SVEP1: variants seen among roughly 807,000 people sequenced by gnomAD.
SVEP1 encodes the protein sushi, von Willebrand factor type A, EGF and pentraxin domain containing 1.
A neutral mutation model predicts 367.3 loss-of-function variants in SVEP1; 164 were observed. The observed-to-expected ratio is 0.45, with a 90% CI of 0.39 to 0.51. The LOEUF is 0.51. SVEP1 is among the 20% of genes least tolerant of loss of function. SVEP1 has a pLI of 0.00. For missense variants in SVEP1, 4,117 were observed against 4,425.3 expected (o/e 0.93, Z 1.98); for synonymous variants, 1,666 against 1,611.6 (o/e 1.03, Z -0.81).
intron 41 of SVEP1, among the ~76,000 whole-genome samples, chr9:110,389,082 G>C (rs1410625611): frequency 2.0e-5 from 3 of 152,174 alleles, no homozygotes; most frequent in African/African-American, 7.2e-5. Flanking sequence ...AAACTTGGTT[G>C]TTCTCATAAA....
At chr9:110,547,572 GTA>G (rs935252141) in intron 2 of SVEP1, among the ~76,000 whole-genome samples, 58 of 152,194 alleles carry the variant, frequency 3.8e-4, no homozygotes, top group African/African-American at 1.3e-3. Context: ...ATGAGACCCT[GTA>G]TCAAAAAGGG....
chr9:110,416,360 G>C (rs933725379), intron 36 of SVEP1, among the ~76,000 whole-genome samples: 3 of 151,664 alleles, frequency 2.0e-5, no homozygotes, highest in Non-Finnish European at 4.4e-5. Flanking sequence ...ATAAAAATGT[G>C]GAACATAAAA....
intron 20 of SVEP1, among the ~76,000 whole-genome samples, chr9:110,457,749 T>G: frequency 6.6e-6 from 1 of 152,194 alleles, no homozygotes; most frequent in East Asian, 1.9e-4. Context: ...CAGCCACTGC[T>G]TTAGGGGATC....
At chr9:110,501,422 T>A (rs1829527002) in intron 6 of SVEP1, among the ~76,000 whole-genome samples, 1 of 151,962 alleles carries the variant, frequency 6.6e-6, no homozygotes, top group Non-Finnish European at 1.5e-5. Flanking sequence ...TCTTTATTTT[T>A]TCTAATGTCT....
chr9:110,442,081 T>C (rs1340781418), intron 27 of SVEP1, among the ~76,000 whole-genome samples: 1 of 152,228 alleles, frequency 6.6e-6, no homozygotes, highest in Non-Finnish European at 1.5e-5. Flanking sequence ...TAGTGCCTGA[T>C]CACCCTGGAG....
At chr9:110,402,531 G>T (rs1827880034) in intron 39 of SVEP1, among the ~76,000 whole-genome samples, 1 of 151,714 alleles carries the variant, frequency 6.6e-6, no homozygotes, top group South Asian at 2.1e-4. Flanking sequence ...GAGCAAAAAA[G>T]GGGGGTCATA....
rs376908196 is a variant in SVEP1, at chr9:110,406,140, C to T, written c.9440+20G>A. 26 of 1,536,832 alleles carry T rather than the reference C, an allele frequency of 1.7e-5. No individual in the cohort carries two copies. The African/African-American group carries it at 3.3e-4, about 20-fold the overall frequency. ...TAATCCTGCCCGCACCCCTTGGAGA[C>T]CCTAGAGCCATGATCTTACCTGAGT... is the stretch of plus-strand genomic sequence containing the variant. On this transcript the variant is annotated intron_variant, in intron 38 of 47. Transcript: ENST00000374469.
chr9:110,483,071 C>T lies in SVEP1; in HGVS notation c.2038+515G>A, dbSNP rs201870422. Among the ~76,000 whole-genome samples, 29 of 152,214 alleles carry T rather than the reference C, an allele frequency of 1.9e-4. No individual in the cohort carries two copies. The East Asian group carries it at 4.0e-3, about 21-fold the overall frequency. On this transcript the variant is annotated intron_variant, in intron 10 of 47. Transcript: ENST00000374469. ...AACTAGGCAATAGGTAAGTCTGCTA[C>T]GACATTGGGACTTAAATTAAGAAAT...
chr9:110,449,391 A>G (rs1828656732), intron 24 of SVEP1, among the ~76,000 whole-genome samples: 1 of 152,244 alleles, frequency 6.6e-6, no homozygotes, highest in African/African-American at 2.4e-5. Flanking sequence ...GATGAGCACT[A>G]TCACAGTATG....
rs535337398 is a variant in SVEP1, at chr9:110,374,047, T to C, written c.10600+1321A>G. 1.2e-4 allele frequency among the ~76,000 whole-genome samples: 19 copies of C among 152,330 alleles called. No homozygotes were observed. In the East Asian group the frequency reaches 3.7e-3, roughly 29 times the overall value. On this transcript the variant is annotated intron_variant, in intron 46 of 47. Transcript: ENST00000374469. ...CAAGGGTACATGTGCAGGTTTGTTA[T>C]ATAGGTACACTTGTGTCATGGGAGT...
intron 27 of SVEP1, among the ~76,000 whole-genome samples, chr9:110,441,644 T>G (rs1481626023): frequency 6.6e-6 from 1 of 152,190 alleles, no homozygotes; most frequent in Non-Finnish European, 1.5e-5. Context: ...GAAGAGTGGC[T>G]TTCTCTTTTA....
chr9:110,436,062 G>A (rs1361439050), intron 28 of SVEP1, among the ~76,000 whole-genome samples: 1 of 151,768 alleles, frequency 6.6e-6, no homozygotes, highest in Non-Finnish European at 1.5e-5. Flanking sequence ...GGGATTTGAA[G>A]CATTATTCTT....
chr9:110,486,686 C>A (rs1437423191), intron 9 of SVEP1, among the ~76,000 whole-genome samples: 3 of 148,588 alleles, frequency 2.0e-5, no homozygotes, highest in Non-Finnish European at 4.4e-5. Context: ...CTCTCTCTGT[C>A]ACCCAGGCTG....
intron 12 of SVEP1, 112 bp downstream of exon 12, chr9:110,481,130 A>T (rs1401910332): frequency 1.3e-6 from 1 of 751,340 alleles, no homozygotes; most frequent in African/African-American, 1.8e-5. Context: ...TTTCAAATTC[A>T]TGGCACCATT....
At chr9:110,452,347 T>C (rs1828706202) in intron 22 of SVEP1, among the ~76,000 whole-genome samples, 1 of 152,220 alleles carries the variant, frequency 6.6e-6, no homozygotes, top group Admixed American at 6.5e-5. Context: ...TCTCATAGTA[T>C]GTGTCTGCCA....
At chr9:110,513,869 T>C in intron 4 of SVEP1, 79 bp downstream of exon 4, 1 of 1,434,020 alleles carries the variant, frequency 7.0e-7, no homozygotes, top group Non-Finnish European at 9.4e-7. Flanking sequence ...TCTAAATGAA[T>C]TAGGTGCAAA....
intron 27 of SVEP1, 132 bp downstream of exon 27, chr9:110,443,413 G>C (rs1219119270): frequency 6.0e-6 from 5 of 838,942 alleles, no homozygotes; most frequent in Non-Finnish European, 8.3e-6. Flanking sequence ...TAATCAGGGA[G>C]TAGGAAATAA....
intron 30 of SVEP1, among the ~76,000 whole-genome samples, chr9:110,433,143 A>G (rs975599522): frequency 4.6e-5 from 7 of 152,132 alleles, no homozygotes; most frequent in Admixed American, 4.6e-4. Flanking sequence ...CCTCCCCAGA[A>G]GCTGAGCAGG....
At chr9:110,467,135 T>C (rs1363079841) in intron 17 of SVEP1, among the ~76,000 whole-genome samples, 1 of 152,220 alleles carries the variant, frequency 6.6e-6, no homozygotes, top group Admixed American at 6.5e-5. Context: ...AAGCACACTT[T>C]TGAAATTCCT....
Sources: allele counts gnomAD v4.1 joint callset (sites outside exome capture counted in the v4.1 genomes callset), GRCh38; gene constraint gnomAD v4.1.1; transcripts MANE v1.5; gene names NCBI Gene and HGNC (gene_info 2026-07-23, HGNC 2026-07-21).